LYST: variants seen among roughly 807,000 people sequenced by gnomAD.
The protein encoded by LYST is lysosomal-trafficking regulator.
A neutral mutation model predicts 413.6 loss-of-function variants in LYST; 192 were observed. The ratio of observed to expected loss-of-function variants is 0.46; its 90% CI spans 0.41 to 0.52. LYST has a LOEUF of 0.52. Ranked by LOEUF, LYST falls within the 20% of genes least tolerant of loss-of-function variation. The probability of loss-of-function intolerance (pLI) is 0.00; values close to 1 mark genes in which losing one functional copy is unlikely to be tolerated. For missense variants in LYST, 3,815 were observed against 4,499.9 expected (o/e 0.85, Z 4.35); for synonymous variants, 1,525 against 1,567.3 (o/e 0.97, Z 0.64).
chr1:235,718,020 C>T (rs1356643267), intron 40 of LYST, among the ~76,000 whole-genome samples: 2 of 151,756 alleles, frequency 1.3e-5, no homozygotes, highest in African/African-American at 4.8e-5. Context: ...TGCACCACCA[C>T]GCCTGGCTAA....
rs755397797 is a variant in LYST at position 235,810,265 on chromosome 1, G to A, written c.553C>T (p.Pro185Ser). 2 of 1,614,126 alleles carry A rather than the reference G, an allele frequency of 1.2e-6. No homozygotes were observed. Among genetic ancestry groups the A allele is most frequent in the South Asian group, 2.2e-5 (2 of 91,088 alleles). Residue 185 changes from proline (P) to serine (S), a missense_variant, in exon 5 of 53, where the codon CCC becomes TCC. Around this residue, in one of 4 missense-constraint regions of LYST, gnomAD observed 1,648 missense variants for 1,810.3 expected, o/e 0.91. Coordinates refer to ENST00000389793, the MANE Select transcript of LYST (RefSeq NM_000081.4). ...KGIAMNKHRRPHLLHHFLTSF... is the reference protein window; with the variant it reads ...KGIAMNKHRRSHLLHHFLTSF... ...GTTAAAAAATGATGCAGCAGATGGG[G>A]CCTTCTATGCTTATTCATTGCTATG... is the stretch of plus-strand genomic sequence containing the variant.
chr1:235,758,949 A>G, intron 23 of LYST, 23 bp downstream of exon 23: 2 of 1,611,976 alleles, frequency 1.2e-6, no homozygotes, highest in Non-Finnish European at 1.7e-6. Flanking sequence ...AGGTGGGAGG[A>G]GTGTACAAAA....
At chr1:235,788,321 G>A (rs886652873) in intron 13 of LYST, among the ~76,000 whole-genome samples, 5 of 151,970 alleles carry the variant, frequency 3.3e-5, no homozygotes, top group Non-Finnish European at 7.4e-5. Flanking sequence ...CATCATGCCT[G>A]GCTAATTTTT....
At chr1:235,780,778 T>C in intron 16 of LYST, 87 bp downstream of exon 16, 1 of 496,130 alleles carries the variant, frequency 2.0e-6, no homozygotes. Flanking sequence ...TTAAAATCTT[T>C]AGAAATCTAA....
intron 1 of LYST, among the ~76,000 whole-genome samples, chr1:235,837,939 A>G (rs1291168241): frequency 2.6e-5 from 4 of 152,172 alleles, no homozygotes; most frequent in Non-Finnish European, 5.9e-5. Context: ...CAGAGAAAGG[A>G]AAATAGATGA....
At position 235,674,847 on chromosome 1, in the gene LYST, A is replaced by C. The variant is rs764844287; in HGVS notation, c.11038+2244T>G. On this transcript the variant is annotated intron_variant, in intron 50 of 52. Coordinates refer to ENST00000389793, the MANE Select transcript of LYST (RefSeq NM_000081.4). The surrounding 1 kb of genome is among the most constrained non-coding windows in gnomAD (Gnocchi z 4.1). ...AAATAAATTAGCCGAAAAGTCATAGAAAAATGGTTTAGAAAATAGAAAGGA... is the reference window on the plus strand; with the variant it reads ...AAATAAATTAGCCGAAAAGTCATAGCAAAATGGTTTAGAAAATAGAAAGGA... 2.6e-5 allele frequency among the ~76,000 whole-genome samples: 4 copies of C among 152,170 alleles called. No homozygotes were observed. Among genetic ancestry groups the C allele is most frequent in the Admixed American group, 6.5e-5 (1 of 15,278 alleles).
intron 3 of LYST, among the ~76,000 whole-genome samples, chr1:235,823,931 T>A (rs908345039): frequency 6.6e-6 from 1 of 152,244 alleles, no homozygotes; most frequent in African/African-American, 2.4e-5. Flanking sequence ...CATCTCCGCA[T>A]CTAGCAGAGG....
intron 22 of LYST, among the ~76,000 whole-genome samples, chr1:235,761,158 A>G (rs1374405802): frequency 6.6e-6 from 1 of 152,208 alleles, no homozygotes; most frequent in East Asian, 1.9e-4. Flanking sequence ...AAATATTATT[A>G]TAAAAGAGCA....
intron 48 of LYST, among the ~76,000 whole-genome samples, chr1:235,683,988 C>A (rs1422764858): frequency 6.6e-6 from 1 of 152,166 alleles, no homozygotes; most frequent in East Asian, 1.9e-4. Flanking sequence ...AACTATTAAT[C>A]TCATGATTTG....
At chr1:235,717,548 TGAA>T (rs1369869887) in intron 40 of LYST, among the ~76,000 whole-genome samples, 2 of 152,174 alleles carry the variant, frequency 1.3e-5, no homozygotes, top group African/African-American at 4.8e-5. Flanking sequence ...AAAGCTCTGA[TGAA>T]GAAGGGCAGG....
At chr1:235,669,492 T>G (rs997823423) in intron 50 of LYST, among the ~76,000 whole-genome samples, 1 of 152,254 alleles carries the variant, frequency 6.6e-6, no homozygotes, top group Non-Finnish European at 1.5e-5. Context: ...AGTCTTCATT[T>G]GCAACTTTGT....
intron 1 of LYST, among the ~76,000 whole-genome samples, chr1:235,863,906 C>G (rs1451326543): frequency 6.6e-6 from 1 of 152,142 alleles, no homozygotes; most frequent in East Asian, 1.9e-4. Flanking sequence ...CTTGTAAAAT[C>G]CAGTATTAGC....
chr1:235,838,604 A>T (rs954613058), intron 1 of LYST, among the ~76,000 whole-genome samples: 19 of 152,158 alleles, frequency 1.2e-4, no homozygotes, highest in African/African-American at 4.6e-4. Flanking sequence ...ACATTTTTTT[A>T]AATTTTAGAA....
intron 1 of LYST, among the ~76,000 whole-genome samples, chr1:235,843,839 C>T (rs1477287453): frequency 6.6e-6 from 1 of 152,128 alleles, no homozygotes; most frequent in East Asian, 1.9e-4. Flanking sequence ...CCTCATCAAA[C>T]AGTAACACCC....
rs767241699 is a variant in LYST at position 235,775,014 on chromosome 1, T to C, written c.5533A>G (p.Asn1845Asp). 14 of 1,611,008 alleles carry C rather than the reference T, an allele frequency of 8.7e-6. No homozygotes were observed. In the Admixed American group the frequency reaches 2.3e-4, roughly 27 times the overall value. ...LRVILSLIKY[N>D]QQRVHELENC... The stretch of plus-strand genomic sequence containing the variant: ...TCTAATTCATGTACTCTTTGTTGGT[T>C]GTATTTAATTAATGAGAGTATAACT... The change falls in exon 18 of 53, where the codon AAC (asparagine) becomes GAC (aspartate). Residue 1845 changes from asparagine (N) to aspartate (D), a missense_variant. By Grantham distance (23) the Asn-to-Asp change is conservative. This residue lies in a region of LYST where 530 missense variants were observed against 696.5 expected (regional missense o/e 0.76). Coordinates refer to ENST00000389793, the MANE Select transcript of LYST (RefSeq NM_000081.4).
intron 46 of LYST, among the ~76,000 whole-genome samples, chr1:235,694,551 G>A (rs1488327810): frequency 6.6e-6 from 1 of 152,196 alleles, no homozygotes; most frequent in Non-Finnish European, 1.5e-5. Flanking sequence ...AGAAGTAGAT[G>A]AGTATAACAA....
intron 19 of LYST, 64 bp from the exon 20 acceptor site, chr1:235,770,361 G>A: frequency 7.0e-7 from 1 of 1,426,764 alleles, no homozygotes; most frequent in Non-Finnish European, 9.9e-7. Context: ...ATGCTTTTTG[G>A]AAGACACACA....
chr1:235,866,980 C>T (rs1486499751), upstream of LYST: 1 of 153,028 alleles, frequency 6.5e-6, no homozygotes, highest in Non-Finnish European at 1.5e-5. Flanking sequence ...ACCACCCCCT[C>T]CCTCCCCTCG....
intron 31 of LYST, chr1:235,738,701 G>A: frequency 2.5e-6 from 4 of 1,601,624 alleles, no homozygotes. Context: ...ACAAGCAGGT[G>A]GTTGAGAGTG....
Sources: gnomAD v4.1 joint callset for allele counts (sites outside exome capture counted in the v4.1 genomes callset) on GRCh38, gnomAD v4.1.1 for gene constraint, gnomAD v4.1.1 regional missense constraint, Gnocchi (gnomAD v3.1) non-coding constraint, MANE v1.5 for transcripts, NCBI Gene and HGNC (gene_info 2026-07-23, HGNC 2026-07-21) for gene names.